IMMP2L: variants seen among roughly 807,000 people sequenced by gnomAD.
IMMP2L encodes mitochondrial inner membrane protease subunit 2.
IMMP2L carries 18 observed loss-of-function variants against 19.3 expected under a neutral mutation model. The observed-to-expected ratio is 0.93, with a 90% CI of 0.64 to 1.38. The LOEUF is 1.38. IMMP2L is among the 40% of genes most tolerant of loss of function. IMMP2L has a pLI of 0.00. For synonymous variants in IMMP2L, 76 were observed against 73.0 expected (o/e 1.04, Z -0.21); for missense variants, 233 against 218.2 (o/e 1.07, Z -0.43).
At position 110,747,821 on chromosome 7, in the gene IMMP2L, C is replaced by T. The variant is rs536262198; in HGVS notation, c.409-84100G>A. Among the ~76,000 whole-genome samples, 26 of 152,150 alleles carry T rather than the reference C, an allele frequency of 1.7e-4. No homozygotes were observed. The East Asian group carries it at 4.8e-3, about 28-fold the overall frequency. On this transcript the variant is annotated intron_variant, in intron 5 of 5. Transcript: ENST00000405709. The stretch of plus-strand genomic sequence containing the variant: ...TGAATGGGCAAAAACTGGAAGCATT[C>T]CCTTTGAAAACCAGCACAAGACCAG...
At chr7:111,500,988 G>A (rs1299600306) in intron 2 of IMMP2L, among the ~76,000 whole-genome samples, 11 of 152,168 alleles carry the variant, frequency 7.2e-5, no homozygotes, top group Admixed American at 3.9e-4. Context: ...ACTTTGACGA[G>A]TTGAGAGAAG....
intron 5 of IMMP2L, among the ~76,000 whole-genome samples, chr7:110,765,189 G>T (rs1370323830): frequency 1.3e-5 from 2 of 152,128 alleles, no homozygotes; most frequent in Non-Finnish European, 2.9e-5. Flanking sequence ...AAGCAGGTAG[G>T]ATAAGAGGAA....
chr7:111,193,854 C>T (rs1809171418), intron 3 of IMMP2L, among the ~76,000 whole-genome samples: 1 of 151,898 alleles, frequency 6.6e-6, no homozygotes, highest in African/African-American at 2.4e-5. Flanking sequence ...ATATTTTGAC[C>T]AGGCTATGGG....
intron 5 of IMMP2L, among the ~76,000 whole-genome samples, chr7:110,867,908 C>T (rs182044002): frequency 5.8e-4 from 88 of 152,106 alleles, no homozygotes; most frequent in African/African-American, 1.9e-3. Flanking sequence ...TGACATTTCT[C>T]GGCCTCTCCA....
In IMMP2L at chr7:110,817,110, A is replaced by T. The variant is rs548950798; in HGVS notation, c.408+69483T>A. Among the ~76,000 whole-genome samples the T allele has an allele frequency of 3.3e-5, 5 of 152,240 alleles. No individual in the cohort carries two copies. The East Asian group carries it at 9.7e-4, about 29-fold the overall frequency. ...CAACATAGTGTTAGAAGTTCTGGCC[A>T]GGGCAATTAGGCAGGAGAAGGAAAT... On this transcript the variant is annotated intron_variant, in intron 5 of 5. Transcript: ENST00000405709.
At chr7:111,343,299 G>A (rs115382221) in intron 3 of IMMP2L, among the ~76,000 whole-genome samples, 3,265 of 151,980 alleles carry the variant, frequency 0.021, 133 homozygotes, top group African/African-American at 0.075. Context: ...AACATGCCCT[G>A]CTCACTTCTG....
rs111282000 is a variant in IMMP2L at position 111,235,963 on chromosome 7, G to T, written c.239+251275C>A. ...TTTCTTTGTAGACTAAACTGTCACA[G>T]ATCCATCCAGCAAATTTTTTTCATC... On this transcript the variant is annotated intron_variant, in intron 3 of 5. Transcript: ENST00000405709. Among the ~76,000 whole-genome samples, 540 of 152,094 alleles carry T rather than the reference G, an allele frequency of 3.6e-3. 3 individuals carry two copies. Among genetic ancestry groups the T allele is most frequent in the African/African-American group, 0.012 (510 of 41,502 alleles).
chr7:111,048,128 T>G (rs1792594392), intron 3 of IMMP2L, among the ~76,000 whole-genome samples: 1 of 149,246 alleles, frequency 6.7e-6, no homozygotes, highest in South Asian at 2.1e-4. Flanking sequence ...TAGTCCCAGC[T>G]ACTTGGGAGG....
intron 1 of IMMP2L, among the ~76,000 whole-genome samples, chr7:111,551,495 G>GGTGTGTGTGTGTGTGTGT (rs60697579): frequency 6.9e-6 from 1 of 145,248 alleles, no homozygotes; most frequent in African/African-American, 2.5e-5. Context: ...GACTGTTAGA[G>GGTGTGTGTGTGTGTGTGT]GTGTGTGTGT....
At chr7:111,435,016 T>C (rs1837011164) in intron 3 of IMMP2L, among the ~76,000 whole-genome samples, 1 of 151,922 alleles carries the variant, frequency 6.6e-6, no homozygotes, top group Non-Finnish European at 1.5e-5. Context: ...ATGGCTACTA[T>C]TAAAAATCCT....
At chr7:111,143,633 G>A (rs1562848915) in intron 3 of IMMP2L, among the ~76,000 whole-genome samples, 1 of 151,952 alleles carries the variant, frequency 6.6e-6, no homozygotes, top group East Asian at 1.9e-4. Context: ...TCTTTTACAG[G>A]CACCTCTTAC....
At chr7:110,920,245 T>A (rs1267091709) in intron 4 of IMMP2L, among the ~76,000 whole-genome samples, 1 of 152,176 alleles carries the variant, frequency 6.6e-6, no homozygotes, top group African/African-American at 2.4e-5. Flanking sequence ...ACTCCCCATT[T>A]ATATATACAT....
chr7:111,276,122 T>C (rs1819017405), intron 3 of IMMP2L, among the ~76,000 whole-genome samples: 1 of 152,128 alleles, frequency 6.6e-6, no homozygotes, highest in African/African-American at 2.4e-5. Flanking sequence ...TATGTCCTTC[T>C]AAGGCCTAGT....
At chr7:111,286,746 G>C (rs1360148611) in intron 3 of IMMP2L, among the ~76,000 whole-genome samples, 1 of 152,090 alleles carries the variant, frequency 6.6e-6, no homozygotes, top group Non-Finnish European at 1.5e-5. Flanking sequence ...GCAGCATGTG[G>C]AGAGTACCCC....
At chr7:110,780,218 T>C (rs1387321151) in intron 5 of IMMP2L, among the ~76,000 whole-genome samples, 1 of 151,166 alleles carries the variant, frequency 6.6e-6, no homozygotes, top group African/African-American at 2.4e-5. Flanking sequence ...TTGATCCAAA[T>C]TGGTATTCAG....
chr7:111,387,918 GT>G (rs1831933008), intron 3 of IMMP2L, among the ~76,000 whole-genome samples: 1 of 142,430 alleles, frequency 7.0e-6, no homozygotes, highest in African/African-American at 2.6e-5. Context: ...AGAGGTTGCA[GT>G]GAGCCAACAT....
At chr7:111,046,613 T>C (rs1337685855) in intron 3 of IMMP2L, among the ~76,000 whole-genome samples, 1 of 152,204 alleles carries the variant, frequency 6.6e-6, no homozygotes, top group African/African-American at 2.4e-5. Flanking sequence ...AAATACTATG[T>C]TCAAAATATG....
At chr7:111,364,093 T>C (rs2131021944) in intron 3 of IMMP2L, among the ~76,000 whole-genome samples, 1 of 152,222 alleles carries the variant, frequency 6.6e-6, no homozygotes, top group South Asian at 2.1e-4. Flanking sequence ...ATTTTGTATT[T>C]AAATAATATA....
chr7:110,792,577 C>T (rs949180416), intron 5 of IMMP2L, among the ~76,000 whole-genome samples: 39 of 152,186 alleles, frequency 2.6e-4, no homozygotes, highest in African/African-American at 8.7e-4. Context: ...TCATATACTT[C>T]GATCTCCCCC....
Sources: gnomAD v4.1 joint callset for allele counts (sites outside exome capture counted in the v4.1 genomes callset) on GRCh38, gnomAD v4.1.1 for gene constraint, MANE v1.5 for transcripts, NCBI Gene and HGNC (gene_info 2026-07-23, HGNC 2026-07-21) for gene names.